Variants in EXOC6B observed in about 807,000 individuals in gnomAD.
The protein encoded by EXOC6B is exocyst complex component 6B, also known as SEC15 homolog B.
In EXOC6B, 54 loss-of-function variants were observed where a neutral mutation model predicts 113.5. The observed-to-expected ratio is 0.48, with a 90% CI of 0.38 to 0.60. The LOEUF (loss-of-function observed/expected upper bound fraction) is 0.60. EXOC6B is among the 20% of genes least tolerant of loss of function. The pLI is 0.00. For synonymous variants in EXOC6B, 357 were observed against 339.0 expected (o/e 1.05, Z -0.58); for missense variants, 797 against 977.5 (o/e 0.82, Z 2.46).
At chr2:72,571,731 T>A (rs1704520422) in intron 7 of EXOC6B, among the ~76,000 whole-genome samples, 1 of 152,324 alleles carries the variant, frequency 6.6e-6, no homozygotes. Context: ...TGAGACTTCA[T>A]CCTCAGTTCC....
intron 1 of EXOC6B, among the ~76,000 whole-genome samples, chr2:72,816,084 G>A (rs992839423): frequency 9.2e-5 from 14 of 152,138 alleles, no homozygotes; most frequent in Non-Finnish European, 7.4e-5. Flanking sequence ...GCTTGAGCCC[G>A]GGAGGCGGAG....
At chr2:72,237,046 A>G (rs537635651) in intron 20 of EXOC6B, among the ~76,000 whole-genome samples, 18 of 151,360 alleles carry the variant, frequency 1.2e-4, no homozygotes, top group South Asian at 2.1e-4. Flanking sequence ...AGACTTGGGG[A>G]AAAAAAAAGG....
chr2:72,567,902 G>C (rs1350522876), intron 7 of EXOC6B, among the ~76,000 whole-genome samples: 1 of 152,038 alleles, frequency 6.6e-6, no homozygotes, highest in Non-Finnish European at 1.5e-5. Flanking sequence ...GATAAAAATA[G>C]AAAATCACAG....
At chr2:72,492,226 T>A in intron 16 of EXOC6B, 92 bp downstream of exon 16, 1 of 580,438 alleles carries the variant, frequency 1.7e-6, no homozygotes, top group Non-Finnish European at 3.0e-6. Context: ...GAAGAGCATG[T>A]AGAAAGTTTT....
chr2:72,521,856 C>T (rs1460500592), intron 8 of EXOC6B, among the ~76,000 whole-genome samples: 1 of 152,034 alleles, frequency 6.6e-6, no homozygotes, highest in Non-Finnish European at 1.5e-5. Flanking sequence ...GCCACCACGC[C>T]CGGCTAATTT....
At chr2:72,380,188 A>G (rs889858349) in intron 18 of EXOC6B, among the ~76,000 whole-genome samples, 7 of 152,218 alleles carry the variant, frequency 4.6e-5, no homozygotes, top group African/African-American at 1.7e-4. Flanking sequence ...AGTGAGAAAC[A>G]ATATTCTACA....
chr2:72,732,039 G>A (rs1680670558), intron 3 of EXOC6B, among the ~76,000 whole-genome samples: 1 of 152,124 alleles, frequency 6.6e-6, no homozygotes, highest in African/African-American at 2.4e-5. Context: ...GATAATACCT[G>A]TCCTGATTTT....
At chr2:72,737,628 C>A (rs1051343659) in intron 2 of EXOC6B, among the ~76,000 whole-genome samples, 1 of 152,052 alleles carries the variant, frequency 6.6e-6, no homozygotes, top group African/African-American at 2.4e-5. Context: ...ATGAGGTGGG[C>A]GGAACTCCCA....
intron 6 of EXOC6B, among the ~76,000 whole-genome samples, chr2:72,658,401 A>G (rs1195251633): frequency 1.3e-5 from 2 of 151,696 alleles, no homozygotes; most frequent in Non-Finnish European, 2.9e-5. Context: ...AAGTGCACCA[A>G]ACATTTTTCT....
intron 1 of EXOC6B, among the ~76,000 whole-genome samples, chr2:72,776,368 G>A (rs1055267075): frequency 1.3e-5 from 2 of 152,148 alleles, no homozygotes; most frequent in Admixed American, 1.3e-4. Flanking sequence ...TATAATCCCA[G>A]CACTTTGGGA....
intron 7 of EXOC6B, among the ~76,000 whole-genome samples, chr2:72,572,251 A>C (rs114643818): frequency 0.016 from 2,396 of 152,276 alleles, 54 homozygotes; most frequent in African/African-American, 0.055. Context: ...TGCTCCAGGG[A>C]CCAGGAGCTC....
In EXOC6B at chr2:72,718,304, A is replaced by G. The variant is rs750197213; in HGVS notation, c.468T>C (p.His156=). The G allele has an allele frequency of 1.5e-5, 24 of 1,613,178 alleles. 1 individual carries two copies. Among genetic ancestry groups the G allele is most frequent in the Non-Finnish European group, 6.8e-6 (8 of 1,179,508 alleles). The change falls in exon 6 of 22, where the codon CAT becomes CAC. Residue 156 remains histidine (H), a synonymous_variant. Transcript: ENST00000272427. The part of the protein sequence containing the change: ...KLRDQMKTKR[H]YPALKTLEHL... ...GTTCCAGAGTTTTCAGTGCAGGATA[A>G]TGCCTACAAAAGGAATTGATCACCT...
chr2:72,458,450 G>A (rs761733767), intron 18 of EXOC6B, among the ~76,000 whole-genome samples: 18 of 152,052 alleles, frequency 1.2e-4, no homozygotes, highest in Non-Finnish European at 2.4e-4. Context: ...AATGGTTGGT[G>A]AATCCAATTA....
intron 19 of EXOC6B, among the ~76,000 whole-genome samples, chr2:72,374,839 T>G (rs1326493571): frequency 6.7e-6 from 1 of 150,226 alleles, no homozygotes; most frequent in African/African-American, 2.5e-5. Flanking sequence ...TTTAAAAAAT[T>G]ACATTCATTA....
intron 19 of EXOC6B, among the ~76,000 whole-genome samples, chr2:72,355,567 C>T (rs1175468947): frequency 1.3e-5 from 2 of 152,162 alleles, no homozygotes; most frequent in East Asian, 3.8e-4. Context: ...TAACAACTAT[C>T]CTTAGATTTC....
At position 72,203,542 on chromosome 2, in the gene EXOC6B, C is replaced by A. The variant is rs1679627965; in HGVS notation, c.2197-19355G>T. Among the ~76,000 whole-genome samples the A allele has an allele frequency of 3.3e-5, 5 of 152,126 alleles. No homozygotes were observed. The South Asian group carries it at 1.0e-3, about 32-fold the overall frequency. ...CTTTCTGGCTGCTCAACTGGACTTCCATTATCAATTCATACAACTAAAATG... is the reference window on the plus strand; with the variant it reads ...CTTTCTGGCTGCTCAACTGGACTTCAATTATCAATTCATACAACTAAAATG... On this transcript the variant is annotated intron_variant, in intron 20 of 21. Transcript: ENST00000272427.
chr2:72,260,379 T>C (rs979844996), intron 20 of EXOC6B, among the ~76,000 whole-genome samples: 1 of 152,198 alleles, frequency 6.6e-6, no homozygotes, highest in African/African-American at 2.4e-5. Context: ...GTATCCAGCC[T>C]GTAGGATAAC....
chr2:72,498,288 C>A (rs923545208), intron 13 of EXOC6B, among the ~76,000 whole-genome samples, 166 bp downstream of exon 13: 1 of 152,128 alleles, frequency 6.6e-6, no homozygotes, highest in Non-Finnish European at 1.5e-5. Context: ...TAATTTTGGA[C>A]GTTCTAACAG....
chr2:72,744,023 C>T (rs1244995018), intron 1 of EXOC6B, among the ~76,000 whole-genome samples: 1 of 152,122 alleles, frequency 6.6e-6, no homozygotes, highest in African/African-American at 2.4e-5. Context: ...CAACACATTA[C>T]CTTTTCTACA....
Sources: gnomAD v4.1 joint callset for allele counts (sites outside exome capture counted in the v4.1 genomes callset) on GRCh38, gnomAD v4.1.1 for gene constraint, MANE v1.5 for transcripts, NCBI Gene and HGNC (gene_info 2026-07-23, HGNC 2026-07-21) for gene names.